The following PPM1H variants were observed in gnomAD, a reference collection of about 807,000 sequenced individuals.
PPM1H encodes the protein protein phosphatase 1H.
A neutral mutation model predicts 54.9 loss-of-function variants in PPM1H; 27 were observed. The observed-to-expected ratio is 0.49, with a 90% CI of 0.36 to 0.68. The LOEUF is 0.68. Among genes scored for constraint, PPM1H ranks in the 30% least tolerant of loss-of-function variants. The probability of loss-of-function intolerance (pLI) is 0.00; values close to 1 mark genes in which losing one functional copy is unlikely to be tolerated. For synonymous variants in PPM1H, 305 were observed against 270.8 expected (o/e 1.13, Z -1.24); for missense variants, 596 against 667.8 (o/e 0.89, Z 1.19).
chr12:62,863,101 A>G (rs1161153354), intron 1 of PPM1H, among the ~76,000 whole-genome samples: 1 of 151,924 alleles, frequency 6.6e-6, no homozygotes. Flanking sequence ...ATTCACTGCA[A>G]CCTCCACCTC....
At chr12:62,754,441 C>A (rs1408664432) in intron 4 of PPM1H, among the ~76,000 whole-genome samples, 2 of 152,138 alleles carry the variant, frequency 1.3e-5, no homozygotes, top group Non-Finnish European at 2.9e-5. Context: ...GTGACACATG[C>A]CTGCAGTCCC....
chr12:62,648,476 C>T lies in PPM1H; in HGVS notation c.*13G>A, dbSNP rs746223519. 6.2e-7 allele frequency: 1 copy of T among 1,613,722 alleles called. No homozygotes were observed. Among genetic ancestry groups the T allele is most frequent in the East Asian group, 2.2e-5 (1 of 44,870 alleles). ...TTTCTTCCCCTCTGTCCTCCCAATC[C>T]CCTGGGCCATTTTCATGACAGCTTG... is the stretch of plus-strand genomic sequence containing the variant. On this transcript the variant is annotated 3_prime_UTR_variant, in exon 10 of 10. Coordinates refer to ENST00000228705, the MANE Select transcript of PPM1H (RefSeq NM_020700.2).
intron 4 of PPM1H, among the ~76,000 whole-genome samples, chr12:62,785,060 G>A (rs2076662682): frequency 6.6e-6 from 1 of 152,120 alleles, no homozygotes; most frequent in South Asian, 2.1e-4. Context: ...TTATCATTAA[G>A]CTTATTAGGT....
In PPM1H at chr12:62,648,543, T is replaced by C. The variant is rs571150091; in HGVS notation, c.1491A>G (p.Gly497=). ...GAATGACATATACAGAAATGTCGTC[T>C]CCTGAGCCCAGTCGGTCATTAGATA... is the stretch of plus-strand genomic sequence containing the variant. ...WRISNDRLGS[G]DDISVYVIPL... Residue 497 remains glycine (G), a synonymous_variant, in exon 10 of 10, where the codon GGA becomes GGG. Coordinates refer to ENST00000228705, the MANE Select transcript of PPM1H (RefSeq NM_020700.2). 1.4e-5 allele frequency: 23 copies of C among 1,613,952 alleles called. No homozygotes were observed. In the South Asian group the frequency reaches 2.4e-4, roughly 17 times the overall value.
chr12:62,906,012 C>T (rs1473250214), intron 1 of PPM1H, among the ~76,000 whole-genome samples: 1 of 152,128 alleles, frequency 6.6e-6, no homozygotes, highest in Non-Finnish European at 1.5e-5. Context: ...AAGTATAACT[C>T]CAAAATCTTA....
intron 4 of PPM1H, among the ~76,000 whole-genome samples, chr12:62,763,088 A>G (rs1430660029): frequency 6.6e-6 from 1 of 152,210 alleles, no homozygotes; most frequent in African/African-American, 2.4e-5. Context: ...GAAGTCCCCA[A>G]GCAGGGACCG....
chr12:62,791,381 A>AT (rs2120714473), intron 3 of PPM1H, among the ~76,000 whole-genome samples: 1 of 152,320 alleles, frequency 6.6e-6, no homozygotes, highest in African/African-American at 2.4e-5. Flanking sequence ...AAGAAAACCC[A>AT]TAAAAACAGA....
intron 8 of PPM1H, among the ~76,000 whole-genome samples, chr12:62,673,998 C>T (rs1565752236): frequency 6.6e-6 from 1 of 151,988 alleles, no homozygotes; most frequent in Non-Finnish European, 1.5e-5. Context: ...ATTACACGTA[C>T]ACACCACTGC....
chr12:62,796,351 C>T (rs1377637141), intron 3 of PPM1H, among the ~76,000 whole-genome samples: 2 of 152,104 alleles, frequency 1.3e-5, no homozygotes, highest in Non-Finnish European at 2.9e-5. Flanking sequence ...CAACTGACTC[C>T]CACTTCTGAT....
chr12:62,932,542 G>A (rs1390021281), intron 1 of PPM1H, among the ~76,000 whole-genome samples: 1 of 147,676 alleles, frequency 6.8e-6, no homozygotes, highest in Non-Finnish European at 1.5e-5. Flanking sequence ...GATCTCAGGC[G>A]TTTGGCAGTC....
intron 6 of PPM1H, among the ~76,000 whole-genome samples, chr12:62,704,355 C>T (rs955662188): frequency 6.6e-6 from 1 of 152,096 alleles, no homozygotes; most frequent in African/African-American, 2.4e-5. Context: ...GTATAGCAGG[C>T]TTTAAGTATG....
At chr12:62,876,267 CA>C (rs1012081910) in intron 1 of PPM1H, among the ~76,000 whole-genome samples, 2 of 152,116 alleles carry the variant, frequency 1.3e-5, no homozygotes, top group Non-Finnish European at 2.9e-5. Context: ...ATCAGAAAGA[CA>C]AAACAAAACC....
At chr12:62,833,312 C>T (rs976113839) in intron 1 of PPM1H, among the ~76,000 whole-genome samples, 12 of 152,160 alleles carry the variant, frequency 7.9e-5, no homozygotes, top group Non-Finnish European at 1.6e-4. Context: ...GATTGAGTTG[C>T]ACAGCCTCCT....
intron 3 of PPM1H, among the ~76,000 whole-genome samples, chr12:62,794,323 T>C (rs1053259861): frequency 1.3e-5 from 2 of 152,258 alleles, no homozygotes; most frequent in Admixed American, 6.5e-5. Flanking sequence ...TTATTTATTA[T>C]AATTAATCTA....
chr12:62,804,117 G>A (rs2076789787), intron 2 of PPM1H, among the ~76,000 whole-genome samples: 1 of 152,120 alleles, frequency 6.6e-6, no homozygotes, highest in South Asian at 2.1e-4. Flanking sequence ...AACAAAAAAA[G>A]TATGCTCTCA....
chr12:62,666,890 T>C (rs919285972), intron 9 of PPM1H, among the ~76,000 whole-genome samples: 4 of 152,114 alleles, frequency 2.6e-5, no homozygotes, highest in African/African-American at 7.2e-5. Flanking sequence ...ATTTTTGTAT[T>C]TTTAGTAGAG....
chr12:62,703,639 G>C (rs1286776809), intron 6 of PPM1H, among the ~76,000 whole-genome samples: 1 of 152,012 alleles, frequency 6.6e-6, no homozygotes, highest in African/African-American at 2.4e-5. Context: ...GGCCTGGCTG[G>C]ACAGGAACAG....
chr12:62,912,197 C>T (rs10877928), intron 1 of PPM1H, among the ~76,000 whole-genome samples: 35,349 of 152,132 alleles, frequency 0.23, 4,294 homozygotes, highest in East Asian at 0.35. Flanking sequence ...AAGCTAACAA[C>T]ATTCATTTAG....
intron 9 of PPM1H, 29 bp downstream of exon 9, chr12:62,667,149 C>A (rs373632111): frequency 6.0e-5 from 92 of 1,522,240 alleles, no homozygotes; most frequent in Non-Finnish European, 8.2e-5. Context: ...GCTTGAGGAA[C>A]AACCCTACAA....
Sources: gnomAD v4.1 joint callset for allele counts (sites outside exome capture counted in the v4.1 genomes callset) on GRCh38, gnomAD v4.1.1 for gene constraint, MANE v1.5 for transcripts, NCBI Gene and HGNC (gene_info 2026-07-23, HGNC 2026-07-21) for gene names.